Variants in SPEG observed in about 807,000 individuals in gnomAD.
SPEG encodes the protein striated muscle preferentially expressed protein kinase.
Under a neutral mutation model 300.4 loss-of-function variants are expected in SPEG, and 114 were observed. The ratio of observed to expected loss-of-function variants is 0.38; its 90% confidence interval spans 0.33 to 0.44. SPEG has a LOEUF of 0.44. Among genes scored for constraint, SPEG ranks in the 20% least tolerant of loss-of-function variants. The probability of loss-of-function intolerance (pLI) is 1.00; values close to 1 mark genes in which losing one functional copy is unlikely to be tolerated. For missense variants in SPEG, 4,201 were observed against 4,586.2 expected, an observed-to-expected ratio of 0.92 and a Z score of 2.43; for synonymous variants, 1,964 against 2,018.9, an observed-to-expected ratio of 0.97 and a Z score of 0.73.
rs1694039672 is a variant in SPEG at position 219,492,215 on chromosome 2, A to G, written c.9566A>G (p.Gln3189Arg). 1.9e-6 allele frequency: 3 copies of G among 1,613,604 alleles called. No individual in the cohort carries two copies. The highest frequency in any genetic ancestry group is 2.5e-6 in the Non-Finnish European group (3 of 1,179,908). ...TTCCAGCTGTACCCCAATACATCCC[A>G]GAGCGCCACCCTCTTCTTGCGAAAG... ...DAFQLYPNTS[Q>R]SATLFLRKVL... Residue 3189 changes from glutamine to arginine, a missense_variant, in exon 40 of 41, where the codon CAG becomes CGG. By Grantham distance (43) the Gln-to-Arg change is conservative (BLOSUM62 1). Coordinates refer to ENST00000312358, the MANE Select transcript of SPEG (RefSeq NM_005876.5).
At position 219,448,709 on chromosome 2, in the gene SPEG, G is replaced by T. The variant is rs1347145694; in HGVS notation, c.1551G>T (p.Leu517=). 4.0e-6 allele frequency: 6 copies of T among 1,493,328 alleles called. No individual in the cohort carries two copies. Among genetic ancestry groups the T allele is most frequent in the Non-Finnish European group, 5.3e-6 (6 of 1,129,534 alleles). The allele number at this position is 1,493,328 out of a possible 1,614,324, so 92.5% of individuals were successfully genotyped here. ...AGCTGGTGCGCTCGCACGAGTCCCTGCGCGCCACGCTGCAGCGTGCCCCAT... is the reference window on the plus strand; with the variant it reads ...AGCTGGTGCGCTCGCACGAGTCCCTTCGCGCCACGCTGCAGCGTGCCCCAT... ...REELVRSHES[L]RATLQRAPSP... Residue 517 remains leucine, a synonymous_variant, in exon 4 of 41, where the codon CTG becomes CTT. Transcript: ENST00000312358.
chr2:219,467,280 C>T lies in SPEG; in HGVS notation c.2988C>T (p.Asp996=), dbSNP rs759474195. Residue 996 remains aspartate, a synonymous_variant, in exon 10 of 41, where the codon GAC becomes GAT. Transcript: ENST00000312358. ...LFECLVAGPT[D]VEVDWLCRGR... ...AGTGCCTGGTGGCGGGGCCCACTGA[C>T]GTGGAGGTGGATTGGCTGTGCCGTG... 8.7e-6 allele frequency: 14 copies of T among 1,609,452 alleles called. No homozygotes were observed. Among genetic ancestry groups the T allele is most frequent in the African/African-American group, 1.3e-5 (1 of 74,928 alleles).
At chr2:219,454,938 A>G (rs1008665551) in intron 6 of SPEG, among the ~76,000 whole-genome samples, 22 of 152,216 alleles carry the variant, frequency 1.4e-4, no homozygotes, top group Admixed American at 6.5e-4. Context: ...TACTAAAAAT[A>G]CAAAAATTAG....
At position 219,489,946 on chromosome 2, in the gene SPEG, A is replaced by C. The variant is rs1341969712; in HGVS notation, c.8921+7A>C. On this transcript the variant is annotated splice_region_variant and intron_variant, in intron 36 of 40. Coordinates refer to ENST00000312358, the MANE Select transcript of SPEG (RefSeq NM_005876.5). ...TCCTGGAGGAGAAAGCCAGGCAAGC[A>C]GGGCTGGGGAAGGGAAGAGGACAGA... 6.4e-7 allele frequency: 1 copy of C among 1,555,292 alleles called. No homozygotes were observed. The highest frequency in any genetic ancestry group is 8.7e-7 in the Non-Finnish European group (1 of 1,146,878).
Position 219,444,766 on chromosome 2 carries a change from A to T in SPEG, c.478+24A>T, listed in dbSNP as rs771573415. 1.2e-6 allele frequency: 2 copies of T among 1,613,004 alleles called. No individual in the cohort carries two copies. The highest frequency in any genetic ancestry group is 2.2e-5 in the South Asian group (2 of 91,016). On this transcript the variant is annotated intron_variant, in intron 2 of 40. Transcript: ENST00000312358. This position sits in a 1 kb window ranked among gnomAD's most constrained non-coding sequence, Gnocchi z 7.8. The stretch of plus-strand genomic sequence containing the variant: ...GGGTGAGCTCCTGGGGTGTACAAAG[A>T]GCAGGCAGGCGGGTTTTCCATAAGG...
Position 219,467,267 on chromosome 2 carries a change from C to T in SPEG, c.2975C>T (p.Ala992Val), listed in dbSNP as rs766108579. Residue 992 changes from alanine (A) to valine (V), a missense_variant, in exon 10 of 41, where the codon GCG becomes GTG. Ala to Val is a moderately conservative substitution (Grantham distance 64). Around this residue, in one of 4 missense-constraint regions of SPEG, gnomAD observed 1,047 missense variants for 1,356.8 expected, o/e 0.77. Transcript: ENST00000312358. ...GEMALFECLV[A>V]GPTDVEVDWL... ...ATGGCGCTGTTTGAGTGCCTGGTGG[C>T]GGGGCCCACTGACGTGGAGGTGGAT... 39 of 1,608,248 alleles carry T rather than the reference C, an allele frequency of 2.4e-5. No homozygotes were observed. In the East Asian group the frequency reaches 3.1e-4, roughly 13 times the overall value.
intron 31 of SPEG, among the ~76,000 whole-genome samples, chr2:219,486,507 G>C (rs1693435551): frequency 6.6e-6 from 1 of 152,172 alleles, no homozygotes; most frequent in African/African-American, 2.4e-5. Flanking sequence ...GGGAAGGGCT[G>C]CTGGTGGGGA....
At chr2:219,447,795 C>T in intron 3 of SPEG, among the ~76,000 whole-genome samples, 179 bp from the exon 4 acceptor site, 1 of 151,896 alleles carries the variant, frequency 6.6e-6, no homozygotes. Flanking sequence ...CCGGCCTCTC[C>T]CCAGCACCTG....
Position 219,489,239 on chromosome 2 carries a change from G to T in SPEG, c.8317+18G>T. 6.2e-7 allele frequency: 1 copy of T among 1,613,538 alleles called. No individual in the cohort carries two copies. The highest frequency in any genetic ancestry group is 8.5e-7 in the Non-Finnish European group (1 of 1,179,674). ...TACTCAAGGTCAGTGCAATGGTATGGGGTGGGAGGAGGAAGGGGGCTCTGA... is the reference window on the plus strand; with the variant it reads ...TACTCAAGGTCAGTGCAATGGTATGTGGTGGGAGGAGGAAGGGGGCTCTGA... On this transcript the variant is annotated intron_variant, in intron 35 of 40. Transcript: ENST00000312358.
rs754041853 is a variant in SPEG at position 219,491,003 on chromosome 2, AGAG to A, written c.9385+49_9385+51del. 5 of 1,498,640 alleles carry A rather than the reference AGAG, an allele frequency of 3.3e-6. No individual in the cohort carries two copies. In the South Asian group the frequency reaches 5.8e-5, roughly 17 times the overall value. The allele number at this position is 1,498,640 out of a possible 1,614,324, so 92.8% of individuals were successfully genotyped here. A position where few individuals can be genotyped will look rare whatever the true frequency, so the allele number is the denominator to read the frequency against. On this transcript the variant is annotated intron_variant, in intron 38 of 40. Coordinates refer to ENST00000312358, the MANE Select transcript of SPEG (RefSeq NM_005876.5). ...CAGGGTGGGGACAGGGCCCTGCCAG[AGAG>A]GCAGCAGCCAGGGCTCACCCCACTT...
chr2:219,469,626 T>A (rs564738982), intron 13 of SPEG, among the ~76,000 whole-genome samples: 1 of 152,312 alleles, frequency 6.6e-6, no homozygotes, highest in African/African-American at 2.4e-5. Flanking sequence ...TACTGCCTGC[T>A]ACTAACCCGC....
Position 219,481,346 on chromosome 2 carries a change from A to G in SPEG, c.5412A>G (p.Thr1804=), listed in dbSNP as rs1179617077. 1 of 1,614,162 alleles carries G rather than the reference A, an allele frequency of 6.2e-7. No homozygotes were observed. The highest frequency in any genetic ancestry group is 1.6e-4 in the Middle Eastern group (1 of 6,062). Reference sequence around the variant, plus strand: ...CGTTTGTTGGGGAAAATGACCGGACAACATTGATGAACATCCGAAACTACA... The same window carrying G: ...CGTTTGTTGGGGAAAATGACCGGACGACATTGATGAACATCCGAAACTACA... ...ISPFVGENDR[T]TLMNIRNYNV... The change falls in exon 27 of 41, where the codon ACA becomes ACG. Residue 1804 remains threonine (T), a synonymous_variant. Coordinates refer to ENST00000312358, the MANE Select transcript of SPEG (RefSeq NM_005876.5). The surrounding 1 kb of genome is among the most constrained non-coding windows in gnomAD (Gnocchi z 5.4).
Position 219,445,025 on chromosome 2 carries a change from G to C in SPEG, c.679G>C (p.Val227Leu). The change falls in exon 3 of 41, where the codon GTG (valine) becomes CTG (leucine). Residue 227 changes from valine to leucine, a missense_variant. Physicochemically the swap from Val to Leu is conservative, Grantham distance 32 (BLOSUM62 1). Around this residue, in one of 4 missense-constraint regions of SPEG, gnomAD observed 1,258 missense variants for 1,293.9 expected, o/e 0.97. Transcript: ENST00000312358. This position sits in a 1 kb window ranked among gnomAD's most constrained non-coding sequence, Gnocchi z 6.1. ...ATGAGPRHLG[V>L]EPLVRASRAN... ...CGGGGCCGGGCCACGGCACCTGGGG[G>C]TGGAGCCGCTGGTGCGGGCATCTCG... The C allele has an allele frequency of 6.2e-7, 1 of 1,609,776 alleles. No homozygotes were observed. The highest frequency in any genetic ancestry group is 8.5e-7 in the Non-Finnish European group (1 of 1,178,278).
chr2:219,469,288 G>T lies in SPEG; in HGVS notation c.3624G>T (p.Glu1208Asp), dbSNP rs1484979586. The change falls in exon 13 of 41, where the codon GAG becomes GAT. Residue 1208 changes from glutamate to aspartate, a missense_variant. By Grantham distance (45) the Glu-to-Asp change is conservative (BLOSUM62 2). Around this residue, in one of 4 missense-constraint regions of SPEG, gnomAD observed 1,047 missense variants for 1,356.8 expected, o/e 0.77. Transcript: ENST00000312358. The stretch of plus-strand genomic sequence containing the variant: ...GACTGGCCAAGGAGGCCATGCTAGA[G>T]TGCCAGGTGACCGGCCTGCCCTACC... ...EVGLAKEAMLECQVTGLPYPT... is the reference protein window; with the variant it reads ...EVGLAKEAMLDCQVTGLPYPT... 3.1e-6 allele frequency: 5 copies of T among 1,613,854 alleles called. No individual in the cohort carries two copies. The highest frequency in any genetic ancestry group is 4.2e-6 in the Non-Finnish European group (5 of 1,180,008).
chr2:219,484,784 G>A lies in SPEG; in HGVS notation c.7321G>A (p.Gly2441Ser). The change falls in exon 30 of 41, where the codon GGC (glycine) becomes AGC (serine). Residue 2441 changes from glycine to serine, a missense_variant. By Grantham distance (56) the Gly-to-Ser change is moderately conservative (BLOSUM62 0). This residue lies in a region of SPEG where 1,578 missense variants were observed against 1,506.0 expected (regional missense o/e 1.05). Transcript: ENST00000312358. ...CGGCGGGGACGGAGAGAGCTCGGAGGGCGGGAGCTCGGCGCGGGGCTCCCC... is the reference window on the plus strand; with the variant it reads ...CGGCGGGGACGGAGAGAGCTCGGAGAGCGGGAGCTCGGCGCGGGGCTCCCC... ...ARGGDGESSE[G>S]GSSARGSPVL... The A allele has an allele frequency of 6.8e-7, 1 of 1,468,812 alleles. No individual in the cohort carries two copies. Among genetic ancestry groups the A allele is most frequent in the Non-Finnish European group, 8.9e-7 (1 of 1,121,004 alleles). The allele number at this position is 1,468,812 out of a possible 1,614,324, so 91.0% of individuals were successfully genotyped here.
chr2:219,443,881 T>A lies in SPEG; in HGVS notation c.389-772T>A. ...CCCAGTGCTGGGCACATCCCAGGTA[T>A]CTCCCTCCCCACCCATTGCCACAGG... On this transcript the variant is annotated intron_variant, in intron 1 of 40. Coordinates refer to ENST00000312358, the MANE Select transcript of SPEG (RefSeq NM_005876.5). This position sits in a 1 kb window ranked among gnomAD's most constrained non-coding sequence, Gnocchi z 4.6. 1.8e-6 allele frequency: 1 copy of A among 545,398 alleles called. No individual in the cohort carries two copies. Among genetic ancestry groups the A allele is most frequent in the South Asian group, 1.6e-5 (1 of 63,728 alleles). The allele number at this position is 545,398 out of a possible 1,614,324, so 33.8% of individuals were successfully genotyped here. A position where few individuals can be genotyped will look rare whatever the true frequency, so the allele number is the denominator to read the frequency against.
In SPEG at chr2:219,480,151, C is replaced by T; in HGVS notation, c.5342+11C>T. 1 of 1,613,016 alleles carries T rather than the reference C, an allele frequency of 6.2e-7. No homozygotes were observed. ...AGTCACTGACATCTGGTAAGGCTGGCATGCTGGGCTGGGCCGACCAGGGCA... is the reference window on the plus strand; with the variant it reads ...AGTCACTGACATCTGGTAAGGCTGGTATGCTGGGCTGGGCCGACCAGGGCA... On this transcript the variant is annotated intron_variant, in intron 25 of 40. Coordinates refer to ENST00000312358, the MANE Select transcript of SPEG (RefSeq NM_005876.5). This position sits in a 1 kb window ranked among gnomAD's most constrained non-coding sequence, Gnocchi z 5.3.
rs1208720841 is a variant in SPEG at position 219,479,204 on chromosome 2, G to C, written c.5085+3G>C. 1 of 1,613,176 alleles carries C rather than the reference G, an allele frequency of 6.2e-7. No individual in the cohort carries two copies. Among genetic ancestry groups the C allele is most frequent in the Admixed American group, 1.7e-5 (1 of 60,022 alleles). ...AACCCACCGTGTGTGAGTCTGAGGTGAGGGCAGTGGGTGGCAGGGGCCAGG... is the reference window on the plus strand; with the variant it reads ...AACCCACCGTGTGTGAGTCTGAGGTCAGGGCAGTGGGTGGCAGGGGCCAGG... On this transcript the variant is annotated splice_donor_region_variant and intron_variant, in intron 23 of 40. Coordinates refer to ENST00000312358, the MANE Select transcript of SPEG (RefSeq NM_005876.5). The surrounding 1 kb of genome is among the most constrained non-coding windows in gnomAD (Gnocchi z 5.5).
intron 6 of SPEG, among the ~76,000 whole-genome samples, chr2:219,455,430 A>C (rs944427585): frequency 6.6e-6 from 1 of 152,204 alleles, no homozygotes; most frequent in Non-Finnish European, 1.5e-5. Flanking sequence ...AGCACTTGAA[A>C]TGCAGCTGCG....
Sources: gnomAD v4.1 joint callset for allele counts (sites outside exome capture counted in the v4.1 genomes callset) on GRCh38, gnomAD v4.1.1 for gene constraint, gnomAD v4.1.1 regional missense constraint, Gnocchi (gnomAD v3.1) non-coding constraint, MANE v1.5 for transcripts, NCBI Gene and HGNC (gene_info 2026-07-23, HGNC 2026-07-21) for gene names.